The following ZNF215 variants were observed in gnomAD, a reference collection of about 807,000 sequenced individuals.
ZNF215 encodes zinc finger protein 215.
Under a neutral mutation model 27.2 loss-of-function variants are expected in ZNF215, and 24 were observed. The ratio of observed to expected loss-of-function variants is 0.88; its 90% CI spans 0.64 to 1.24. The LOEUF is 1.24. ZNF215 is among the 50% of genes most tolerant of loss of function. The probability of loss-of-function intolerance (pLI) is 0.00; values close to 1 mark genes in which losing one functional copy is unlikely to be tolerated. For missense variants in ZNF215, 675 were observed against 605.7 expected (o/e 1.11, Z -1.20); for synonymous variants, 210 against 204.0 (o/e 1.03, Z -0.25).
At chr11:6,971,226 GCA>G (rs1177933047) in intron 5 of ZNF215, among the ~76,000 whole-genome samples, 3 of 150,752 alleles carry the variant, frequency 2.0e-5, no homozygotes, top group African/African-American at 7.3e-5. Context: ...TCATTGCCTA[GCA>G]CAGTGTCTGA....
intron 5 of ZNF215, among the ~76,000 whole-genome samples, chr11:6,973,824 T>G (rs1007671058): frequency 6.6e-6 from 1 of 152,186 alleles, no homozygotes; most frequent in Non-Finnish European, 1.5e-5. Flanking sequence ...TTACAAAAAC[T>G]TTTTCCCATT....
chr11:6,973,165 C>A (rs921347820), intron 5 of ZNF215, among the ~76,000 whole-genome samples: 3 of 152,056 alleles, frequency 2.0e-5, no homozygotes, highest in Non-Finnish European at 4.4e-5. Flanking sequence ...TCTGTCCTTG[C>A]AATAGTTTGC....
At chr11:6,981,043 T>C (rs1850940605) in intron 5 of ZNF215, among the ~76,000 whole-genome samples, 1 of 151,268 alleles carries the variant, frequency 6.6e-6, no homozygotes, top group African/African-American at 2.4e-5. Flanking sequence ...AAGTCTTTGC[T>C]GTTGTGAATA....
intron 5 of ZNF215, among the ~76,000 whole-genome samples, chr11:6,973,647 GTGA>G (rs1282101966): frequency 6.6e-6 from 1 of 152,204 alleles, no homozygotes; most frequent in Non-Finnish European, 1.5e-5. Context: ...CTGATGGCCA[GTGA>G]TGATGAGCAT....
At position 6,943,078 on chromosome 11, in the gene ZNF215, T is replaced by C. The variant is rs368694989; in HGVS notation, c.484-5T>C. On this transcript the variant is annotated splice_region_variant and splice_polypyrimidine_tract_variant and intron_variant, in intron 4 of 6. Coordinates refer to ENST00000278319, the MANE Select transcript of ZNF215 (RefSeq NM_013250.4). The stretch of plus-strand genomic sequence containing the variant: ...CTTTGATTAAAAAGGAACTTAATGT[T>C]TTAGGAACCAGTGACATTCAAAGAT... The C allele has an allele frequency of 6.2e-7, 1 of 1,609,186 alleles. No individual in the cohort carries two copies. Among genetic ancestry groups the C allele is most frequent in the Admixed American group, 1.7e-5 (1 of 58,742 alleles).
intron 5 of ZNF215, among the ~76,000 whole-genome samples, chr11:6,968,764 G>A (rs1284652508): frequency 6.6e-6 from 1 of 152,036 alleles, no homozygotes; most frequent in Non-Finnish European, 1.5e-5. Flanking sequence ...TACCAGGGAG[G>A]CTGAGGTGGG....
At chr11:6,993,159 G>A (rs1851136822), downstream of ZNF215, among the ~76,000 whole-genome samples, 1 of 152,082 alleles carries the variant, frequency 6.6e-6, no homozygotes, top group Admixed American at 6.5e-5. Flanking sequence ...TCCTATACAA[G>A]AACAGTTTAA....
chr11:6,970,116 T>C (rs889197711), intron 5 of ZNF215, among the ~76,000 whole-genome samples: 1 of 151,990 alleles, frequency 6.6e-6, no homozygotes, highest in Non-Finnish European at 1.5e-5. Flanking sequence ...TCACCCCCTA[T>C]GACATATTCT....
intron 5 of ZNF215, among the ~76,000 whole-genome samples, chr11:6,978,006 C>CT (rs1274821494): frequency 6.6e-6 from 1 of 152,066 alleles, no homozygotes; most frequent in Non-Finnish European, 1.5e-5. Context: ...ATAGCTCACT[C>CT]TGTTGGTGAA....
At chr11:6,931,499 C>T (rs1181646656) in intron 2 of ZNF215, among the ~76,000 whole-genome samples, 1 of 152,164 alleles carries the variant, frequency 6.6e-6, no homozygotes, top group Non-Finnish European at 1.5e-5. Flanking sequence ...TGTTCAGTTG[C>T]GCCTAAGACA....
intron 5 of ZNF215, among the ~76,000 whole-genome samples, chr11:6,965,379 T>C (rs1850598811): frequency 6.6e-6 from 1 of 152,256 alleles, no homozygotes; most frequent in Admixed American, 6.5e-5. Flanking sequence ...TCCAAAGTGC[T>C]ACATGGACAT....
At chr11:6,961,907 C>T (rs553652290), downstream of ZNF215, among the ~76,000 whole-genome samples, 1 of 152,106 alleles carries the variant, frequency 6.6e-6, no homozygotes, top group Non-Finnish European at 1.5e-5. Context: ...GCCAATGTTT[C>T]CCCAACAGAA....
chr11:6,935,707 T>G (rs933011496), intron 3 of ZNF215, among the ~76,000 whole-genome samples: 2 of 152,128 alleles, frequency 1.3e-5, no homozygotes, highest in African/African-American at 4.8e-5. Context: ...TAAACTGACT[T>G]GAACTAACAA....
downstream of ZNF215, among the ~76,000 whole-genome samples, chr11:6,960,614 C>T (rs1033949958): frequency 6.6e-6 from 1 of 152,148 alleles, no homozygotes. Flanking sequence ...AAGCACCTTA[C>T]TAGGCTGTCC....
In ZNF215 at chr11:6,954,680, C is replaced by T. The variant is rs567263748; in HGVS notation, c.713-1010C>T. On this transcript the variant is annotated intron_variant, in intron 6 of 6. Transcript: ENST00000278319. ...GGAAAGGGAACTCCCTGACCCCTTG[C>T]GCTTCCCGAGTGAAGCAATGCCTCG... Among the ~76,000 whole-genome samples the T allele has an allele frequency of 1.4e-4, 21 of 152,330 alleles. No individual in the cohort carries two copies. In the East Asian group the frequency reaches 2.3e-3, roughly 17 times the overall value.
chr11:6,964,456 C>G (rs969427176), intron 5 of ZNF215, among the ~76,000 whole-genome samples: 1 of 151,962 alleles, frequency 6.6e-6, no homozygotes, highest in African/African-American at 2.4e-5. Context: ...AGGTATGGGT[C>G]AAGCTTTATT....
At chr11:6,947,170 T>A (rs1849846990) in intron 6 of ZNF215, among the ~76,000 whole-genome samples, 1 of 152,236 alleles carries the variant, frequency 6.6e-6, no homozygotes, top group South Asian at 2.1e-4. Flanking sequence ...TCTGATTATA[T>A]TCTACTTTCA....
At chr11:6,929,510 C>G (rs1192343254) in intron 2 of ZNF215, among the ~76,000 whole-genome samples, 1 of 152,136 alleles carries the variant, frequency 6.6e-6, no homozygotes, top group East Asian at 1.9e-4. Context: ...GACAGTTTCT[C>G]AGACATTCCT....
intron 3 of ZNF215, among the ~76,000 whole-genome samples, chr11:6,934,206 C>G (rs572590714): frequency 6.6e-6 from 1 of 152,188 alleles, no homozygotes; most frequent in South Asian, 2.1e-4. Flanking sequence ...AGATTGGTAT[C>G]TGAGTTAAGA....
Sources: allele counts gnomAD v4.1 joint callset (sites outside exome capture counted in the v4.1 genomes callset), GRCh38; gene constraint gnomAD v4.1.1; transcripts MANE v1.5; gene names NCBI Gene and HGNC (gene_info 2026-07-23, HGNC 2026-07-21).